Variants in HTT observed in about 807,000 individuals in gnomAD.
HTT encodes the protein huntington disease protein.
In HTT, 104 loss-of-function variants were observed where a neutral mutation model predicts 362.3. That is an observed-to-expected ratio of 0.29 (90% confidence interval 0.24 to 0.34). HTT has a LOEUF of 0.34. Among genes scored for constraint, HTT ranks in the 10% least tolerant of loss-of-function variants. The probability of loss-of-function intolerance (pLI) is 1.00; values close to 1 mark genes in which losing one functional copy is unlikely to be tolerated. For synonymous variants in HTT, 1,577 were observed against 1,548.7 expected (o/e 1.02, Z -0.43); for missense variants, 3,301 against 3,928.6 (o/e 0.84, Z 4.27).
chr4:3,174,875 G>T, intron 32 of HTT, 71 bp from the exon 33 acceptor site: 2 of 1,559,972 alleles, frequency 1.3e-6, no homozygotes, highest in Admixed American at 1.7e-5. Flanking sequence ...AGACTTTCCA[G>T]GTATTTTGCT....
chr4:3,210,628 G>A (rs1720108284), intron 47 of HTT, among the ~76,000 whole-genome samples: 2 of 152,134 alleles, frequency 1.3e-5, no homozygotes, highest in Non-Finnish European at 1.5e-5. Flanking sequence ...CACCTCTTGG[G>A]TATGGTGCAG....
At chr4:3,079,076 A>T (rs1712741560) in intron 1 of HTT, among the ~76,000 whole-genome samples, 1 of 151,338 alleles carries the variant, frequency 6.6e-6, no homozygotes, top group South Asian at 2.1e-4. Flanking sequence ...TTGTATTTTT[A>T]GTAGAGATGG....
intron 39 of HTT, 166 bp downstream of exon 39, chr4:3,188,052 C>T (rs1447269032): frequency 3.4e-6 from 2 of 588,616 alleles, no homozygotes; most frequent in Admixed American, 6.0e-5. Context: ...TTATCTATGG[C>T]TCTTGGTTCA....
intron 8 of HTT, among the ~76,000 whole-genome samples, chr4:3,119,128 A>G (rs1243544411): frequency 3.3e-5 from 5 of 152,234 alleles, no homozygotes. Context: ...TCACCTAGGC[A>G]TGCAGTAAAA....
Position 3,160,373 on chromosome 4 carries a change from C to T in HTT, c.3845C>T (p.Thr1282Ile), listed in dbSNP as rs1717377444. 6.4e-7 allele frequency: 1 copy of T among 1,551,924 alleles called. No individual in the cohort carries two copies. Among genetic ancestry groups the T allele is most frequent in the Admixed American group, 2.0e-5 (1 of 51,162 alleles). Residue 1282 changes from threonine to isoleucine, a missense_variant, in exon 29 of 67, where the codon ACA (threonine) becomes ATA (isoleucine). Thr to Ile is a moderately conservative substitution (Grantham distance 89). Transcript: ENST00000355072. ...CTTTCTCAGATACTAGAGCTGGCCACACTGCAGGACATTGGGAAGGTTTGT... is the reference window on the plus strand; with the variant it reads ...CTTTCTCAGATACTAGAGCTGGCCATACTGCAGGACATTGGGAAGGTTTGT... ...DVLSQILELA[T>I]LQDIGKCVEE...
At chr4:3,084,938 C>T (rs1048941412) in intron 1 of HTT, among the ~76,000 whole-genome samples, 104 of 151,340 alleles carry the variant, frequency 6.9e-4, no homozygotes, top group African/African-American at 2.1e-3. Context: ...GGTGTGAACC[C>T]GGGAGGCAGA....
intron 59 of HTT, 105 bp from the exon 60 acceptor site, chr4:3,229,782 C>T: frequency 8.2e-7 from 1 of 1,224,410 alleles, no homozygotes. Context: ...AGTAATGTCT[C>T]TTGGGTGTAA....
chr4:3,079,508 A>T (rs891654843), intron 1 of HTT, among the ~76,000 whole-genome samples: 1 of 152,142 alleles, frequency 6.6e-6, no homozygotes, highest in Non-Finnish European at 1.5e-5. Context: ...GATGGGGGGA[A>T]CAGGTCCAAA....
chr4:3,169,061 T>G (rs10006373), intron 29 of HTT, among the ~76,000 whole-genome samples: 1 of 150,020 alleles, frequency 6.7e-6, no homozygotes, highest in Admixed American at 6.6e-5. Flanking sequence ...CTCTGTCGCC[T>G]GCGTTGGAGT....
chr4:3,166,848 G>A (rs1205595673), intron 29 of HTT, among the ~76,000 whole-genome samples: 1 of 152,242 alleles, frequency 6.6e-6, no homozygotes, highest in Non-Finnish European at 1.5e-5. Flanking sequence ...GTCACTCATG[G>A]CTTCCTTTGG....
intron 53 of HTT, 91 bp downstream of exon 53, chr4:3,220,399 ACTC>A: frequency 7.6e-7 from 1 of 1,311,192 alleles, no homozygotes; most frequent in Non-Finnish European, 1.1e-6. Flanking sequence ...TTCTCATTTG[ACTC>A]CAGAAAAGAT....
chr4:3,135,832 C>A, intron 19 of HTT, 72 bp from the exon 20 acceptor site: 1 of 1,287,182 alleles, frequency 7.8e-7, no homozygotes, highest in Non-Finnish European at 1.1e-6. Flanking sequence ...TGAGCCTGCT[C>A]TGGAGCAAGC....
At chr4:3,182,567 T>G in intron 37 of HTT, 97 bp downstream of exon 37, 1 of 749,510 alleles carries the variant, frequency 1.3e-6, no homozygotes, top group Non-Finnish European at 2.4e-6. Flanking sequence ...CCTTCAGTCC[T>G]AATCTGTGCC....
chr4:3,103,220 A>AT (rs1445444962), intron 3 of HTT, among the ~76,000 whole-genome samples: 37 of 98,386 alleles, frequency 3.8e-4, no homozygotes, highest in Admixed American at 1.4e-3. Context: ...CTATATATAT[A>AT]ATTTTTTTTT....
chr4:3,145,325 T>C, intron 24 of HTT, 97 bp downstream of exon 24: 1 of 925,430 alleles, frequency 1.1e-6, no homozygotes. Flanking sequence ...TTAAGTCTTT[T>C]ATCAATTTGG....
chr4:3,148,269 C>T (rs1477854734), intron 26 of HTT, 62 bp downstream of exon 26: 3 of 1,218,070 alleles, frequency 2.5e-6, no homozygotes, highest in Non-Finnish European at 3.4e-6. Flanking sequence ...TCCAGACTAC[C>T]TTTGTTTAGT....
chr4:3,083,368 A>G (rs1220136780), intron 1 of HTT, among the ~76,000 whole-genome samples: 2 of 152,034 alleles, frequency 1.3e-5, no homozygotes, highest in Non-Finnish European at 2.9e-5. Context: ...AAAACTTTAA[A>G]AAATTAGCTG....
intron 6 of HTT, among the ~76,000 whole-genome samples, chr4:3,112,161 C>T (rs1309766438): frequency 2.6e-5 from 4 of 152,182 alleles, no homozygotes; most frequent in Non-Finnish European, 5.9e-5. Context: ...TTCTGGGTAG[C>T]AGAGCTTCAC....
intron 40 of HTT, among the ~76,000 whole-genome samples, chr4:3,198,342 C>T (rs1251415714): frequency 1.3e-5 from 2 of 151,038 alleles, no homozygotes; most frequent in African/African-American, 4.9e-5. Context: ...CTTGTGCTCC[C>T]GCCTCCCAAA....
Sources: gnomAD v4.1 joint callset for allele counts (sites outside exome capture counted in the v4.1 genomes callset) on GRCh38, gnomAD v4.1.1 for gene constraint, MANE v1.5 for transcripts, NCBI Gene and HGNC (gene_info 2026-07-23, HGNC 2026-07-21) for gene names.